Variants in GRIA2 observed in about 807,000 individuals in gnomAD.
GRIA2 encodes glutamate receptor 2.
GRIA2 carries 14 observed loss-of-function variants against 97.3 expected under a neutral mutation model. The ratio of observed to expected loss-of-function variants is 0.14; its 90% CI spans 0.10 to 0.23. GRIA2 has a LOEUF of 0.23. Ranked by LOEUF, GRIA2 falls within the 10% of genes least tolerant of loss-of-function variation. GRIA2 has a pLI of 1.00. For synonymous variants in GRIA2, 412 were observed against 387.8 expected (o/e 1.06, Z -0.73); for missense variants, 558 against 1,069.8 (o/e 0.52, Z 6.67).
At chr4:157,321,133 T>C (rs573935239) in intron 5 of GRIA2, among the ~76,000 whole-genome samples, 93 of 152,248 alleles carry the variant, frequency 6.1e-4, no homozygotes, top group Non-Finnish European at 1.2e-3. Flanking sequence ...TAAAACCTAG[T>C]CCTTATCAAT....
At position 157,276,748 on chromosome 4, in the gene GRIA2, G is replaced by T. The variant is rs191394672; in HGVS notation, c.230-26804G>T. 4.1e-4 allele frequency among the ~76,000 whole-genome samples: 63 copies of T among 151,850 alleles called. 1 individual carries two copies. The East Asian group carries it at 9.3e-3, about 22-fold the overall frequency. ...GGAGATGAAAAAGATTAAAAATAGA[G>T]TCATACAATGAATAACTCTGCATCC... On this transcript the variant is annotated intron_variant, in intron 2 of 15. Coordinates refer to ENST00000264426, the MANE Select transcript of GRIA2 (RefSeq NM_001083619.3).
intron 12 of GRIA2, among the ~76,000 whole-genome samples, chr4:157,348,952 A>T (rs1164135429): frequency 6.6e-6 from 1 of 152,212 alleles, no homozygotes; most frequent in African/African-American, 2.4e-5. Flanking sequence ...TTATGAAGTC[A>T]TTGTCCTATA....
Position 157,221,564 on chromosome 4 carries a change from G to A in GRIA2, c.89-103G>A, listed in dbSNP as rs532743702. 4 of 1,175,090 alleles carry A rather than the reference G, an allele frequency of 3.4e-6. No individual in the cohort carries two copies. In the East Asian group the frequency reaches 9.4e-5, roughly 28 times the overall value. 72.8% of individuals were successfully genotyped at this position (1,175,090 alleles called of 1,614,324 possible). ...GTAGGTGTGTTTATTCGGCCTATTC[G>A]CGTGAATAAGAGACTCTTGGATTTT... On this transcript the variant is annotated intron_variant, in intron 1 of 15. Transcript: ENST00000264426.
chr4:157,356,238 C>T (rs1038896164), intron 12 of GRIA2, among the ~76,000 whole-genome samples: 17 of 138,868 alleles, frequency 1.2e-4, no homozygotes, highest in African/African-American at 4.6e-4. Context: ...GTTTAAATTT[C>T]GTGAAAAGCA....
intron 3 of GRIA2, among the ~76,000 whole-genome samples, chr4:157,307,422 G>A (rs1029571347): frequency 6.6e-6 from 1 of 152,120 alleles, no homozygotes; most frequent in Non-Finnish European, 1.5e-5. Flanking sequence ...ACTGGTGAGA[G>A]GAGAGCTGAA....
chr4:157,315,474 A>C (rs1734271087), intron 4 of GRIA2, among the ~76,000 whole-genome samples: 1 of 151,514 alleles, frequency 6.6e-6, no homozygotes, highest in Non-Finnish European at 1.5e-5. Flanking sequence ...CAGTAGCTTG[A>C]AGTTAGCAAT....
chr4:157,250,488 G>A (rs1441439336), intron 2 of GRIA2, among the ~76,000 whole-genome samples: 2 of 151,928 alleles, frequency 1.3e-5, no homozygotes, highest in Non-Finnish European at 2.9e-5. Flanking sequence ...TCTCACCTGG[G>A]CAATGCATGC....
chr4:157,305,954 ACT>A (rs1266633035), intron 3 of GRIA2, among the ~76,000 whole-genome samples: 1 of 152,124 alleles, frequency 6.6e-6, no homozygotes, highest in South Asian at 2.1e-4. Context: ...TCAGCTCATG[ACT>A]CTGTACCCAG....
chr4:157,356,558 C>T (rs1261005060), intron 12 of GRIA2, among the ~76,000 whole-genome samples: 1 of 152,008 alleles, frequency 6.6e-6, no homozygotes, highest in Non-Finnish European at 1.5e-5. Context: ...TCTCCAAAGT[C>T]CACACAAAGG....
chr4:157,231,470 C>T (rs2126693952), intron 2 of GRIA2, among the ~76,000 whole-genome samples: 1 of 152,268 alleles, frequency 6.6e-6, no homozygotes, highest in African/African-American at 2.4e-5. Context: ...AGCAACCATC[C>T]TCGGCTAACA....
At chr4:157,283,333 C>A (rs1732693728) in intron 2 of GRIA2, among the ~76,000 whole-genome samples, 1 of 151,810 alleles carries the variant, frequency 6.6e-6, no homozygotes, top group Non-Finnish European at 1.5e-5. Flanking sequence ...TTCTATCTTT[C>A]CAGAAGGGGC....
At chr4:157,341,566 C>T (rs112527915) in intron 12 of GRIA2, 104 bp downstream of exon 12, 7,848 of 737,468 alleles carry the variant, frequency 0.011, 57 homozygotes, top group Non-Finnish European at 0.015. Flanking sequence ...TGTGAAAGCA[C>T]CCCTAATTCT....
intron 12 of GRIA2, among the ~76,000 whole-genome samples, chr4:157,343,340 A>T (rs1735628568): frequency 6.6e-6 from 1 of 152,096 alleles, no homozygotes; most frequent in Non-Finnish European, 1.5e-5. Flanking sequence ...GCATTATTAA[A>T]CAGAAGCTCA....
intron 3 of GRIA2, 71 bp downstream of exon 3, chr4:157,303,862 T>A: frequency 6.8e-7 from 1 of 1,481,054 alleles, no homozygotes; most frequent in Non-Finnish European, 9.4e-7. Context: ...TCTATGGATG[T>A]TATAAAGCTA....
At chr4:157,241,836 C>T (rs995886928) in intron 2 of GRIA2, among the ~76,000 whole-genome samples, 4 of 151,966 alleles carry the variant, frequency 2.6e-5, no homozygotes, top group African/African-American at 9.7e-5. Context: ...AAACATGTTT[C>T]TAAGTGTTGA....
intron 6 of GRIA2, among the ~76,000 whole-genome samples, chr4:157,324,375 A>G (rs1401454734): frequency 1.3e-5 from 2 of 152,196 alleles, no homozygotes; most frequent in Non-Finnish European, 2.9e-5. Context: ...AAAATGTATG[A>G]ATCCTGTCTT....
At chr4:157,290,060 AG>A (rs1733024046) in intron 2 of GRIA2, among the ~76,000 whole-genome samples, 1 of 151,892 alleles carries the variant, frequency 6.6e-6, no homozygotes, top group East Asian at 1.9e-4. Context: ...GACCTTACAT[AG>A]TACCTGGCAC....
intron 2 of GRIA2, among the ~76,000 whole-genome samples, chr4:157,259,617 A>G (rs372673167): frequency 2.9e-4 from 44 of 152,144 alleles, no homozygotes; most frequent in African/African-American, 9.1e-4. Flanking sequence ...ACATTATATG[A>G]TTCTGTTTTC....
chr4:157,333,819 A>AT (rs555786510), intron 8 of GRIA2, among the ~76,000 whole-genome samples, 191 bp from the exon 9 acceptor site: 283 of 152,196 alleles, frequency 1.9e-3, no homozygotes, highest in Non-Finnish European at 3.3e-3. Flanking sequence ...GAGACAAGTC[A>AT]TTTTTAGGAA....
Sources: gnomAD v4.1 joint callset for allele counts (sites outside exome capture counted in the v4.1 genomes callset) on GRCh38, gnomAD v4.1.1 for gene constraint, MANE v1.5 for transcripts, NCBI Gene and HGNC (gene_info 2026-07-23, HGNC 2026-07-21) for gene names.